Variants in CNTN5 observed in about 807,000 individuals in gnomAD.
CNTN5 encodes the protein contactin-5.
CNTN5 carries 77 observed loss-of-function variants against 129.1 expected under a neutral mutation model. The ratio of observed to expected loss-of-function variants is 0.60; its 90% CI spans 0.50 to 0.72. The LOEUF is 0.72. CNTN5 is among the 30% of genes least tolerant of loss of function. The probability of loss-of-function intolerance (pLI) is 0.00; values close to 1 mark genes in which losing one functional copy is unlikely to be tolerated. For synonymous variants in CNTN5, 509 were observed against 465.6 expected (o/e 1.09, Z -1.20); for missense variants, 1,478 against 1,328.8 (o/e 1.11, Z -1.75).
intron 6 of CNTN5, among the ~76,000 whole-genome samples, chr11:99,911,956 A>G (rs1304336976): frequency 1.3e-5 from 2 of 151,954 alleles, no homozygotes; most frequent in Admixed American, 6.6e-5. Context: ...GTATATTCCT[A>G]AATACTTGTT....
At chr11:99,926,174 A>G (rs1049520545) in intron 7 of CNTN5, among the ~76,000 whole-genome samples, 1 of 152,150 alleles carries the variant, frequency 6.6e-6, no homozygotes, top group Admixed American at 6.5e-5. Flanking sequence ...TAAAATGCAA[A>G]TGCTTTTGAG....
intron 3 of CNTN5, among the ~76,000 whole-genome samples, chr11:99,727,470 A>G (rs990562857): frequency 6.6e-6 from 1 of 151,918 alleles, no homozygotes; most frequent in Non-Finnish European, 1.5e-5. Context: ...CCCAAACCTT[A>G]TCACTAAATA....
chr11:100,187,157 A>G (rs1193493244), intron 13 of CNTN5, among the ~76,000 whole-genome samples: 1 of 152,012 alleles, frequency 6.6e-6, no homozygotes, highest in African/African-American at 2.4e-5. Context: ...TTTTGCAGCT[A>G]TTGTAAATGG....
chr11:99,213,268 A>T (rs1591367006), intron 1 of CNTN5, among the ~76,000 whole-genome samples: 2 of 146,020 alleles, frequency 1.4e-5, no homozygotes, highest in Non-Finnish European at 3.0e-5. Flanking sequence ...CATATATATA[A>T]AATATATATA....
intron 1 of CNTN5, among the ~76,000 whole-genome samples, chr11:99,052,059 C>G (rs1042185946): frequency 2.0e-5 from 3 of 151,750 alleles, no homozygotes; most frequent in African/African-American, 2.4e-5. Flanking sequence ...AGTAGTTATG[C>G]TAAGGCAGTT....
At chr11:99,146,316 A>G (rs535406891) in intron 1 of CNTN5, among the ~76,000 whole-genome samples, 2 of 152,266 alleles carry the variant, frequency 1.3e-5, no homozygotes, top group South Asian at 2.1e-4. Context: ...CATTTGCAAA[A>G]TGCTGTGAAA....
intron 1 of CNTN5, among the ~76,000 whole-genome samples, chr11:99,154,777 C>G (rs918358558): frequency 1.3e-5 from 2 of 152,110 alleles, no homozygotes; most frequent in Non-Finnish European, 2.9e-5. Flanking sequence ...AAGGTGGGGC[C>G]TTGGGAGAGG....
chr11:99,655,043 G>A (rs1442239597), intron 3 of CNTN5, among the ~76,000 whole-genome samples: 1 of 151,996 alleles, frequency 6.6e-6, no homozygotes, highest in Non-Finnish European at 1.5e-5. Flanking sequence ...GCTGCGTGAA[G>A]TCATGGGCCA....
intron 1 of CNTN5, among the ~76,000 whole-genome samples, chr11:99,188,879 G>A (rs933322600): frequency 1.3e-5 from 2 of 151,456 alleles, no homozygotes; most frequent in African/African-American, 4.8e-5. Flanking sequence ...TACTCTCTTA[G>A]GAATTTTCAA....
chr11:99,199,478 A>C (rs762773476), intron 1 of CNTN5, among the ~76,000 whole-genome samples: 1 of 152,202 alleles, frequency 6.6e-6, no homozygotes, highest in Non-Finnish European at 1.5e-5. Flanking sequence ...TTAAAACAAC[A>C]ACCCGACATT....
intron 7 of CNTN5, among the ~76,000 whole-genome samples, chr11:99,933,635 C>A (rs1377805759): frequency 6.6e-6 from 1 of 152,140 alleles, no homozygotes; most frequent in African/African-American, 2.4e-5. Context: ...GAGATTCAGG[C>A]ATGTTGCTGA....
At chr11:99,455,581 T>G (rs1040641904) in intron 2 of CNTN5, among the ~76,000 whole-genome samples, 1 of 152,120 alleles carries the variant, frequency 6.6e-6, no homozygotes, top group African/African-American at 2.4e-5. Context: ...GTCAATAGTG[T>G]CACGGAGTAA....
chr11:99,702,304 A>G (rs1049551896), intron 3 of CNTN5, among the ~76,000 whole-genome samples: 3 of 151,022 alleles, frequency 2.0e-5, no homozygotes, highest in African/African-American at 7.3e-5. Context: ...ATTTGGACAT[A>G]TGAAGTATTC....
At chr11:99,229,442 C>T (rs565200744) in intron 1 of CNTN5, among the ~76,000 whole-genome samples, 8 of 149,966 alleles carry the variant, frequency 5.3e-5, no homozygotes, top group African/African-American at 2.0e-4. Context: ...TTGGTAGTCT[C>T]TTTACCTCAG....
At chr11:100,002,485 C>G (rs1939937083) in intron 9 of CNTN5, among the ~76,000 whole-genome samples, 1 of 152,138 alleles carries the variant, frequency 6.6e-6, no homozygotes, top group South Asian at 2.1e-4. Context: ...AAAGTACTAT[C>G]TGCTCCTCAT....
Position 99,247,610 on chromosome 11 carries a change from C to G in CNTN5, c.-209-77736C>G, listed in dbSNP as rs1260880821. ...ATATCTCCTAATGCTATCCCTCCCC[C>G]TTTCCCCCATCCCACAACAGGCCCT... On this transcript the variant is annotated intron_variant, in intron 1 of 24. Transcript: ENST00000524871. 4.6e-5 allele frequency among the ~76,000 whole-genome samples: 7 copies of G among 151,912 alleles called. No individual in the cohort carries two copies. In the East Asian group the frequency reaches 7.8e-4, roughly 17 times the overall value.
intron 1 of CNTN5, among the ~76,000 whole-genome samples, chr11:99,201,377 T>TCCTTCCTTCCTTCCTTTCCTTCCTTCCTC (rs770352934): frequency 7.1e-6 from 1 of 141,570 alleles, no homozygotes; most frequent in Admixed American, 7.3e-5. Context: ...CTTCCTTCCT[T>TCCTTCCTTCCTTCCTTTCCTTCCTTCCTC]CCTTCTTTCC....
intron 7 of CNTN5, among the ~76,000 whole-genome samples, chr11:99,953,634 A>T (rs1950727697): frequency 3.8e-5 from 1 of 26,220 alleles, no homozygotes; most frequent in African/African-American, 1.4e-4. Context: ...CTAGAGGATG[A>T]ATGATCATGC....
chr11:99,531,887 C>T (rs572073414), intron 2 of CNTN5, among the ~76,000 whole-genome samples: 19 of 152,296 alleles, frequency 1.2e-4, no homozygotes, highest in Admixed American at 6.5e-4. Flanking sequence ...CGGGGCCCTA[C>T]ATTCTCCATT....
Sources: allele counts gnomAD v4.1 joint callset (sites outside exome capture counted in the v4.1 genomes callset), GRCh38; gene constraint gnomAD v4.1.1; transcripts MANE v1.5; gene names NCBI Gene and HGNC (gene_info 2026-07-23, HGNC 2026-07-21).